The following NCOA2 variants were observed in gnomAD, a reference collection of about 807,000 sequenced individuals.
The protein encoded by NCOA2 is class E basic helix-loop-helix protein 75.
Under a neutral mutation model 145.1 loss-of-function variants are expected in NCOA2, and 21 were observed. The ratio of observed to expected loss-of-function variants is 0.14; its 90% CI spans 0.10 to 0.21. The LOEUF is 0.21. Ranked by LOEUF, NCOA2 falls within the 10% of genes least tolerant of loss-of-function variation. The pLI is 1.00. For missense variants in NCOA2, 1,472 were observed against 1,837.6 expected (o/e 0.80, Z 3.64); for synonymous variants, 619 against 637.5 (o/e 0.97, Z 0.44).
intron 1 of NCOA2, among the ~76,000 whole-genome samples, chr8:70,390,039 T>G (rs1233190035): frequency 2.0e-5 from 3 of 152,244 alleles, no homozygotes; most frequent in Admixed American, 6.5e-5. Context: ...ATAGTCACCT[T>G]AAAATTGCCC....
In NCOA2 at chr8:70,373,761, C is replaced by G. The variant is rs146666034; in HGVS notation, c.-77+29939G>C. On this transcript the variant is annotated intron_variant, in intron 1 of 22. Transcript: ENST00000452400. ...CAAGTAGACAAGGTTCATTTTTTCC[C>G]ATACCAATATCCAGTTGTTTTAACA... Among the ~76,000 whole-genome samples the G allele has an allele frequency of 5.9e-4, 90 of 152,180 alleles. 1 individual carries two copies. Among genetic ancestry groups the G allele is most frequent in the Non-Finnish European group, 1.2e-3 (79 of 67,982 alleles).
At chr8:70,368,020 G>A (rs539387224) in intron 1 of NCOA2, among the ~76,000 whole-genome samples, 1 of 152,190 alleles carries the variant, frequency 6.6e-6, no homozygotes, top group Non-Finnish European at 1.5e-5. Flanking sequence ...GCAGGCCTCT[G>A]CTCTCAGTAA....
intron 1 of NCOA2, among the ~76,000 whole-genome samples, chr8:70,354,994 T>C (rs996870030): frequency 6.6e-6 from 1 of 152,252 alleles, no homozygotes; most frequent in African/African-American, 2.4e-5. Context: ...GGTCCTCGAA[T>C]GTTTGCTTTG....
chr8:70,367,996 C>T (rs911170924), intron 1 of NCOA2, among the ~76,000 whole-genome samples: 1 of 152,138 alleles, frequency 6.6e-6, no homozygotes, highest in South Asian at 2.1e-4. Context: ...AACATAGACT[C>T]AGAAGTATAA....
At chr8:70,140,532 G>T (rs1034077583) in intron 14 of NCOA2, among the ~76,000 whole-genome samples, 2 of 150,282 alleles carry the variant, frequency 1.3e-5, no homozygotes, top group Non-Finnish European at 3.0e-5. Context: ...ATCTGCATTT[G>T]AAGTTCCTGA....
At chr8:70,194,375 G>A (rs1240864927) in intron 4 of NCOA2, among the ~76,000 whole-genome samples, 1 of 152,132 alleles carries the variant, frequency 6.6e-6, no homozygotes, top group African/African-American at 2.4e-5. Context: ...GAATACTGGG[G>A]TGGTCACAGT....
In NCOA2 at chr8:70,122,451, C is replaced by T. The variant is rs142335044; in HGVS notation, c.4294-1060G>A. Among the ~76,000 whole-genome samples the T allele has an allele frequency of 2.7e-5, 4 of 150,846 alleles. No individual in the cohort carries two copies. The East Asian group carries it at 7.8e-4, about 29-fold the overall frequency. On this transcript the variant is annotated intron_variant, in intron 21 of 22. Transcript: ENST00000452400. Reference sequence around the variant, plus strand: ...TTTTTTTTTTTTTCAGAGACAGAGTCTTACTATGTTGCCCAGACTGGTCTT... The same window carrying T: ...TTTTTTTTTTTTTCAGAGACAGAGTTTTACTATGTTGCCCAGACTGGTCTT...
At chr8:70,353,897 T>C (rs1809457991) in intron 1 of NCOA2, among the ~76,000 whole-genome samples, 2 of 152,196 alleles carry the variant, frequency 1.3e-5, no homozygotes, top group African/African-American at 4.8e-5. Context: ...TTATAAATGG[T>C]TAAATATGGT....
At position 70,110,610 on chromosome 8, in the gene NCOA2, G is replaced by T. The variant is rs1294613669; in HGVS notation, c.*3022C>A. 1 of 209,462 alleles carries T rather than the reference G, an allele frequency of 4.8e-6. No homozygotes were observed. Among genetic ancestry groups the T allele is most frequent in the African/African-American group, 2.3e-5 (1 of 44,066 alleles). The allele number at this position is 209,462 out of a possible 1,614,324, so 13.0% of individuals were successfully genotyped here. A position where few individuals can be genotyped will look rare whatever the true frequency, so the allele number is the denominator to read the frequency against. ...AACTGATTGTGTATCTTTGGGTTCT[G>T]CAAGTGGATCTGTGCCACCCATTTC... On this transcript the variant is annotated 3_prime_UTR_variant, in exon 23 of 23. Coordinates refer to ENST00000452400, the MANE Select transcript of NCOA2 (RefSeq NM_006540.4).
At chr8:70,341,081 T>TAAAAAAAAAAAAAAAA (rs1563782941) in intron 1 of NCOA2, among the ~76,000 whole-genome samples, 1 of 95,992 alleles carries the variant, frequency 1.0e-5, no homozygotes, top group African/African-American at 6.0e-5. Flanking sequence ...CTTAAAAAGT[T>TAAAAAAAAAAAAAAAA]GAAAAAAAAA....
intron 1 of NCOA2, among the ~76,000 whole-genome samples, chr8:70,378,763 A>G (rs973292679): frequency 1.3e-5 from 2 of 150,276 alleles, no homozygotes; most frequent in African/African-American, 4.9e-5. Context: ...AAAAAAAAAA[A>G]CATAAAATGA....
At chr8:70,441,816 G>GAAAGAAAGAAAGAAAGAAAGAAAGAA in the NCOA2 span, among the ~76,000 whole-genome samples, 5 of 116,710 alleles carry the variant, frequency 4.3e-5, no homozygotes, top group African/African-American at 1.6e-4. Flanking sequence ...AAGAAAGAAA[G>GAAAGAAAGAAAGAAAGAAAGAAAGAA]AAGAAAGAAG....
At chr8:70,340,443 A>C (rs1203260282) in intron 1 of NCOA2, among the ~76,000 whole-genome samples, 1 of 152,194 alleles carries the variant, frequency 6.6e-6, no homozygotes, top group Non-Finnish European at 1.5e-5. Context: ...AGTCAAAAAC[A>C]GCAAATGCTA....
chr8:70,220,108 C>A (rs901753961), intron 2 of NCOA2, among the ~76,000 whole-genome samples: 1 of 152,002 alleles, frequency 6.6e-6, no homozygotes, highest in Non-Finnish European at 1.5e-5. Flanking sequence ...TTTTGTAGAT[C>A]GAAGTTAAAA....
intron 2 of NCOA2, among the ~76,000 whole-genome samples, chr8:70,236,143 A>G (rs1450548246): frequency 1.3e-5 from 2 of 152,134 alleles, no homozygotes; most frequent in Non-Finnish European, 2.9e-5. Context: ...CATCAATAAG[A>G]TATCTGTGCC....
rs751575598 is a variant in NCOA2, at chr8:70,216,645, C to CA, written c.86+14dup. On this transcript the variant is annotated intron_variant, in intron 3 of 22. Coordinates refer to ENST00000452400, the MANE Select transcript of NCOA2 (RefSeq NM_006540.4). ...AACAGACAATACTGATTCCTTTTCT[C>CA]AGCAAGAATCTAACCTGGGTCCAAG... is the stretch of plus-strand genomic sequence containing the variant. 337 of 1,594,352 alleles carry CA rather than the reference C, an allele frequency of 2.1e-4. No homozygotes were observed. Among genetic ancestry groups the CA allele is most frequent in the Admixed American group, 2.8e-4 (17 of 59,996 alleles).
At chr8:70,428,061 A>G in the NCOA2 span, among the ~76,000 whole-genome samples, 1 of 152,210 alleles carries the variant, frequency 6.6e-6, no homozygotes, top group Non-Finnish European at 1.5e-5. Flanking sequence ...TCTGATTAAA[A>G]TGACATACAA....
Position 70,113,612 on chromosome 8 carries a change from A to C in NCOA2, c.*20T>G. On this transcript the variant is annotated 3_prime_UTR_variant, in exon 23 of 23. Coordinates refer to ENST00000452400, the MANE Select transcript of NCOA2 (RefSeq NM_006540.4). ...GCAAGTGAGCCCGGTCAGCTGAAGA[A>C]GCAACTGGCTTCAGCAGTGTCAGCA... 1 of 1,551,876 alleles carries C rather than the reference A, an allele frequency of 6.4e-7. No homozygotes were observed. Among genetic ancestry groups the C allele is most frequent in the South Asian group, 1.2e-5 (1 of 84,070 alleles).
At chr8:70,308,930 C>A (rs1470959790) in intron 1 of NCOA2, among the ~76,000 whole-genome samples, 1 of 152,170 alleles carries the variant, frequency 6.6e-6, no homozygotes, top group African/African-American at 2.4e-5. Flanking sequence ...AACCGCCCTT[C>A]CCCTGAAGCT....
Sources: allele counts gnomAD v4.1 joint callset (sites outside exome capture counted in the v4.1 genomes callset), GRCh38; gene constraint gnomAD v4.1.1; transcripts MANE v1.5; gene names NCBI Gene and HGNC (gene_info 2026-07-23, HGNC 2026-07-21).